UNC13C: variants seen among roughly 807,000 people sequenced by gnomAD.
The protein encoded by UNC13C is unc-13 homolog C.
In UNC13C, 174 loss-of-function variants were observed where a neutral mutation model predicts 245.4. That is an observed-to-expected ratio of 0.71 (90% confidence interval 0.63 to 0.80). UNC13C has a LOEUF of 0.80. UNC13C is among the 30% of genes least tolerant of loss of function. UNC13C has a pLI of 0.00. For synonymous variants in UNC13C, 992 were observed against 895.1 expected, an observed-to-expected ratio of 1.11 and a Z score of -1.93; for missense variants, 2,829 against 2,602.9, an observed-to-expected ratio of 1.09 and a Z score of -1.89.
chr15:54,053,287 C>T (rs1167298125), intron 2 of UNC13C, among the ~76,000 whole-genome samples: 3 of 152,148 alleles, frequency 2.0e-5, no homozygotes, highest in African/African-American at 7.2e-5. Context: ...TCACCTCAGC[C>T]TCCGAAAGTG....
chr15:54,595,309 TC>T (rs1232807740), intron 30 of UNC13C, among the ~76,000 whole-genome samples: 1 of 151,974 alleles, frequency 6.6e-6, no homozygotes, highest in Non-Finnish European at 1.5e-5. Flanking sequence ...ACCCATGGCT[TC>T]CCATGGGTGT....
At chr15:53,845,338 A>AC in the UNC13C span, among the ~76,000 whole-genome samples, 1 of 140,322 alleles carries the variant, frequency 7.1e-6, no homozygotes, top group East Asian at 2.1e-4. Context: ...AAAAAAAAAA[A>AC]ATTATAACAG....
At chr15:54,589,624 T>C (rs923986059) in intron 30 of UNC13C, among the ~76,000 whole-genome samples, 4 of 152,116 alleles carry the variant, frequency 2.6e-5, no homozygotes, top group Non-Finnish European at 5.9e-5. Context: ...CTTTTGAGAA[T>C]TGTCTAGTTA....
chr15:54,280,901 G>A (rs935085562), intron 10 of UNC13C, among the ~76,000 whole-genome samples: 1 of 151,752 alleles, frequency 6.6e-6, no homozygotes, highest in African/African-American at 2.4e-5. Context: ...AGGCTCAAGC[G>A]ATTTTCCTGC....
rs538196272 is a variant in UNC13C, at chr15:54,093,974, A to G, written c.2984-49044A>G. On this transcript the variant is annotated intron_variant, in intron 2 of 32. Transcript: ENST00000260323. The stretch of plus-strand genomic sequence containing the variant: ...GGAGCATAATTGACTTATAGCACCA[A>G]CTGGTGTGCATTGAAACCTTTACTT... Among the ~76,000 whole-genome samples, 4 of 136,062 alleles carry G rather than the reference A, an allele frequency of 2.9e-5. No homozygotes were observed. The East Asian group carries it at 7.1e-4, about 24-fold the overall frequency. The allele number at this position is 136,062 out of a possible 152,430, so 89.3% of individuals were successfully genotyped here.
intron 17 of UNC13C, among the ~76,000 whole-genome samples, chr15:54,377,609 T>C (rs1449714182): frequency 6.6e-6 from 1 of 152,240 alleles, no homozygotes; most frequent in Non-Finnish European, 1.5e-5. Flanking sequence ...CAGAAATTTA[T>C]TTCTCACAGT....
intron 30 of UNC13C, among the ~76,000 whole-genome samples, chr15:54,618,162 G>A (rs770545553): frequency 9.9e-5 from 15 of 152,048 alleles, no homozygotes; most frequent in Non-Finnish European, 1.8e-4. Context: ...TATTAATCCC[G>A]TGTTATAACG....
intron 19 of UNC13C, among the ~76,000 whole-genome samples, chr15:54,423,179 C>G (rs2140963190): frequency 6.6e-6 from 1 of 151,522 alleles, no homozygotes; most frequent in Non-Finnish European, 1.5e-5. Flanking sequence ...CTGGTCATAA[C>G]CCTCTAAATT....
chr15:54,065,405 A>G (rs530746811), intron 2 of UNC13C, among the ~76,000 whole-genome samples: 2 of 152,134 alleles, frequency 1.3e-5, no homozygotes, highest in East Asian at 1.9e-4. Context: ...GCACCCTTTT[A>G]TATCTCCTGT....
At chr15:54,354,493 A>G (rs2039051027) in intron 17 of UNC13C, among the ~76,000 whole-genome samples, 1 of 152,194 alleles carries the variant, frequency 6.6e-6, no homozygotes, top group Non-Finnish European at 1.5e-5. Context: ...AAATGCATAT[A>G]CTGTCACTCT....
chr15:54,048,177 T>C (rs1394992221), intron 2 of UNC13C, among the ~76,000 whole-genome samples: 1 of 152,192 alleles, frequency 6.6e-6, no homozygotes, highest in African/African-American at 2.4e-5. Flanking sequence ...GCATGGCATG[T>C]AGGGCTTTAG....
intron 17 of UNC13C, among the ~76,000 whole-genome samples, chr15:54,348,532 A>G (rs1272043472): frequency 6.6e-6 from 1 of 152,172 alleles, no homozygotes; most frequent in Non-Finnish European, 1.5e-5. Context: ...ACGGAATGTG[A>G]TATGTATACC....
intron 19 of UNC13C, among the ~76,000 whole-genome samples, chr15:54,447,523 T>G (rs1298090887): frequency 6.6e-6 from 1 of 152,196 alleles, no homozygotes; most frequent in Non-Finnish European, 1.5e-5. Context: ...GTTGAGGAAT[T>G]TATCCATTTC....
chr15:54,167,500 CAA>C (rs67762910), intron 4 of UNC13C, among the ~76,000 whole-genome samples: 19 of 90,646 alleles, frequency 2.1e-4, no homozygotes, highest in South Asian at 3.7e-4. Context: ...ACACTCGTCT[CAA>C]AAAAAAAAAA....
intron 4 of UNC13C, among the ~76,000 whole-genome samples, chr15:54,203,757 CATATATATGTATATAT>C (rs1595999255): frequency 2.6e-5 from 3 of 116,476 alleles, no homozygotes; most frequent in East Asian, 5.5e-4. Context: ...TATATATACA[CATATATATGTATATAT>C]ACACACACAT....
the UNC13C span, among the ~76,000 whole-genome samples, chr15:53,905,432 A>ACACACACACACACACAC: frequency 1.3e-5 from 2 of 149,406 alleles, no homozygotes; most frequent in South Asian, 2.1e-4. Flanking sequence ...ACACACACAC[A>ACACACACACACACACAC]ATGGAATATT....
At chr15:54,556,136 C>T (rs1973747) in intron 29 of UNC13C, among the ~76,000 whole-genome samples, 51,495 of 151,648 alleles carry the variant, frequency 0.34, 9,515 homozygotes, top group East Asian at 0.53. Flanking sequence ...ATATTTATAT[C>T]CATATATATT....
chr15:53,994,452 T>C (rs1253401632), intron 1 of UNC13C, among the ~76,000 whole-genome samples: 1 of 152,064 alleles, frequency 6.6e-6, no homozygotes, highest in Non-Finnish European at 1.5e-5. Context: ...CTTGAGTGCC[T>C]TGAAGCATAA....
At chr15:54,573,761 G>C (rs1235457671) in intron 30 of UNC13C, among the ~76,000 whole-genome samples, 1 of 152,210 alleles carries the variant, frequency 6.6e-6, no homozygotes, top group Non-Finnish European at 1.5e-5. Context: ...CTGGCATCTA[G>C]TACAGAGGCC....
Sources: allele counts gnomAD v4.1 joint callset (sites outside exome capture counted in the v4.1 genomes callset), GRCh38; gene constraint gnomAD v4.1.1; transcripts MANE v1.5; gene names NCBI Gene and HGNC (gene_info 2026-07-23, HGNC 2026-07-21).